The following ANTXR2 variants were observed in gnomAD, a reference collection of about 807,000 sequenced individuals.
The protein encoded by ANTXR2 is anthrax toxin receptor 2.
ANTXR2 carries 44 observed loss-of-function variants against 73.7 expected under a neutral mutation model. The observed-to-expected ratio is 0.60, with a 90% CI of 0.47 to 0.77. ANTXR2 has a LOEUF of 0.77. ANTXR2 is among the 30% of genes least tolerant of loss of function. The pLI is 0.00. For missense variants in ANTXR2, 604 were observed against 592.5 expected (o/e 1.02, Z -0.20); for synonymous variants, 217 against 205.9 (o/e 1.05, Z -0.46).
chr4:79,929,522 A>G (rs1727978308), intron 16 of ANTXR2, among the ~76,000 whole-genome samples: 1 of 152,172 alleles, frequency 6.6e-6, no homozygotes, highest in Non-Finnish European at 1.5e-5. Flanking sequence ...AACAACAACA[A>G]CAACAACAAA....
At position 80,005,539 on chromosome 4, in the gene ANTXR2, G is replaced by A. The variant is rs191509330; in HGVS notation, c.1041+2982C>T. On this transcript the variant is annotated intron_variant, in intron 12 of 16. Coordinates refer to ENST00000403729, the MANE Select transcript of ANTXR2 (RefSeq NM_058172.6). ...AAACAAAATAAGATAAACACCCTGC[G>A]ATTGTATTATAATACCCTCTGAAAA... Among the ~76,000 whole-genome samples, 700 of 152,108 alleles carry A rather than the reference G, an allele frequency of 4.6e-3. 10 individuals carry two copies. The highest frequency in any genetic ancestry group is 0.016 in the African/African-American group (661 of 41,494).
At chr4:79,935,458 A>G (rs990713667) in intron 16 of ANTXR2, among the ~76,000 whole-genome samples, 4 of 152,112 alleles carry the variant, frequency 2.6e-5, no homozygotes, top group African/African-American at 9.7e-5. Flanking sequence ...TTGGGGCCAG[A>G]CTGTCTAGAG....
intron 3 of ANTXR2, among the ~76,000 whole-genome samples, chr4:80,064,001 A>G (rs1734382816): frequency 6.6e-6 from 1 of 152,212 alleles, no homozygotes; most frequent in African/African-American, 2.4e-5. Flanking sequence ...TTCCTCTAAA[A>G]TGAATGTACC....
chr4:79,932,153 G>A (rs1177146341), intron 16 of ANTXR2, among the ~76,000 whole-genome samples: 1 of 152,058 alleles, frequency 6.6e-6, no homozygotes, highest in African/African-American at 2.4e-5. Flanking sequence ...GTAATACATT[G>A]TCAATTAAAT....
chr4:80,041,751 G>A (rs1470831299), intron 7 of ANTXR2, among the ~76,000 whole-genome samples: 1 of 152,008 alleles, frequency 6.6e-6, no homozygotes, highest in Non-Finnish European at 1.5e-5. Flanking sequence ...AGTTCGCTGA[G>A]GATAATGGCT....
chr4:80,021,530 C>T (rs1487162393), intron 10 of ANTXR2, among the ~76,000 whole-genome samples: 2 of 152,056 alleles, frequency 1.3e-5, no homozygotes, highest in African/African-American at 2.4e-5. Context: ...TAGACATTGA[C>T]TGAAGTTGTT....
intron 7 of ANTXR2, among the ~76,000 whole-genome samples, chr4:80,046,777 C>T (rs115582545): frequency 0.014 from 2,170 of 151,834 alleles, 25 homozygotes; most frequent in Non-Finnish European, 0.023. Flanking sequence ...GTTTGGGGAC[C>T]ATACCCATTT....
chr4:79,917,773 C>A (rs1727414618), intron 16 of ANTXR2, among the ~76,000 whole-genome samples: 1 of 151,796 alleles, frequency 6.6e-6, no homozygotes, highest in Admixed American at 6.6e-5. Context: ...AGACGAGTCT[C>A]TTTTTTAATT....
chr4:80,051,553 C>G (rs1408240211), intron 7 of ANTXR2, among the ~76,000 whole-genome samples: 1 of 151,610 alleles, frequency 6.6e-6, no homozygotes, highest in African/African-American at 2.4e-5. Flanking sequence ...TTGGAAATTA[C>G]ATCAATATTC....
intron 16 of ANTXR2, among the ~76,000 whole-genome samples, chr4:79,958,643 T>C (rs1172162082): frequency 1.3e-5 from 2 of 152,094 alleles, no homozygotes; most frequent in Middle Eastern, 3.2e-3. Context: ...ATTAAGGAAG[T>C]AGACACTGGC....
chr4:80,038,189 G>C (rs1310938141), intron 7 of ANTXR2, among the ~76,000 whole-genome samples: 1 of 152,010 alleles, frequency 6.6e-6, no homozygotes, highest in Non-Finnish European at 1.5e-5. Flanking sequence ...CAAAAAACAT[G>C]CATCCGGAAT....
At chr4:79,945,559 T>A (rs755922092) in intron 16 of ANTXR2, among the ~76,000 whole-genome samples, 1 of 152,194 alleles carries the variant, frequency 6.6e-6, no homozygotes, top group Admixed American at 6.5e-5. Context: ...CTGAAAGAAA[T>A]TTTATATTTT....
At chr4:80,002,070 G>T (rs1417177597) in intron 12 of ANTXR2, among the ~76,000 whole-genome samples, 1 of 151,846 alleles carries the variant, frequency 6.6e-6, no homozygotes, top group Non-Finnish European at 1.5e-5. Flanking sequence ...TTTAAAGTTC[G>T]TATGGAACCA....
chr4:80,007,238 G>T (rs1458793460), intron 12 of ANTXR2, among the ~76,000 whole-genome samples: 1 of 152,148 alleles, frequency 6.6e-6, no homozygotes. Flanking sequence ...AAATCAGTCA[G>T]CAAACATGAG....
At chr4:80,062,094 T>TA (rs1205222052) in intron 3 of ANTXR2, among the ~76,000 whole-genome samples, 1 of 152,216 alleles carries the variant, frequency 6.6e-6, no homozygotes, top group African/African-American at 2.4e-5. Context: ...ATAGTCTATG[T>TA]AAAATATGCT....
chr4:80,072,443 T>G lies in ANTXR2; in HGVS notation c.118A>C (p.Arg40=), dbSNP rs762824700. 1 of 1,607,524 alleles carries G rather than the reference T, an allele frequency of 6.2e-7. No individual in the cohort carries two copies. The highest frequency in any genetic ancestry group is 1.1e-5 in the South Asian group (1 of 90,168). ...LLRAQEQPSC[R]RAFDLYFVLD... ...ACGAAGTAGAGATCAAAGGCTCTTCTGCAGGAGGGCTGCTCCTGGGCGCGC... is the reference window on the plus strand; with the variant it reads ...ACGAAGTAGAGATCAAAGGCTCTTCGGCAGGAGGGCTGCTCCTGGGCGCGC... Residue 40 remains arginine, a synonymous_variant, in exon 1 of 17, where the codon AGA becomes CGA. Coordinates refer to ENST00000403729, the MANE Select transcript of ANTXR2 (RefSeq NM_058172.6).
chr4:79,911,669 T>C (rs2109929671), intron 16 of ANTXR2, among the ~76,000 whole-genome samples: 1 of 151,994 alleles, frequency 6.6e-6, no homozygotes, highest in South Asian at 2.1e-4. Context: ...CACAAAGTAA[T>C]TCGATAAACT....
intron 16 of ANTXR2, among the ~76,000 whole-genome samples, chr4:79,945,687 G>C (rs765672424): frequency 5.3e-5 from 8 of 152,104 alleles, no homozygotes; most frequent in Non-Finnish European, 1.2e-4. Flanking sequence ...TTCTCTAGAA[G>C]ATTTAGTCAT....
chr4:79,961,919 G>A (rs1427102796), intron 16 of ANTXR2, among the ~76,000 whole-genome samples: 2 of 152,056 alleles, frequency 1.3e-5, no homozygotes, highest in Non-Finnish European at 2.9e-5. Context: ...AATTAATACA[G>A]AAAATGTATA....
Sources: allele counts gnomAD v4.1 joint callset (sites outside exome capture counted in the v4.1 genomes callset), GRCh38; gene constraint gnomAD v4.1.1; transcripts MANE v1.5; gene names NCBI Gene and HGNC (gene_info 2026-07-23, HGNC 2026-07-21).